The following MANBA variants were observed in gnomAD, a reference collection of about 807,000 sequenced individuals.
MANBA encodes mannosidase beta.
In MANBA, 83 loss-of-function variants were observed where a neutral mutation model predicts 111.1. The ratio of observed to expected loss-of-function variants is 0.75; its 90% CI spans 0.63 to 0.90. The LOEUF (loss-of-function observed/expected upper bound fraction) is 0.90. Ranked by LOEUF, MANBA falls within the 40% of genes least tolerant of loss-of-function variation. The pLI, the probability that MANBA is intolerant of heterozygous loss-of-function variation, is 0.00. For missense variants in MANBA, 1,036 were observed against 1,069.0 expected, an observed-to-expected ratio of 0.97 and a Z score of 0.43; for synonymous variants, 370 against 378.7, an observed-to-expected ratio of 0.98 and a Z score of 0.27.
intron 5 of MANBA, among the ~76,000 whole-genome samples, chr4:102,693,841 T>G (rs1560777963): frequency 6.7e-6 from 1 of 149,794 alleles, no homozygotes; most frequent in Non-Finnish European, 1.5e-5. Context: ...ATATCTCTAA[T>G]GACAAAAAAA....
intron 5 of MANBA, among the ~76,000 whole-genome samples, chr4:102,699,163 G>T (rs1002202169): frequency 6.6e-6 from 1 of 152,072 alleles, no homozygotes; most frequent in East Asian, 1.9e-4. Flanking sequence ...CTGTTTGTCT[G>T]TTATTGGTGT....
chr4:102,712,154 TG>T (rs1285204015), intron 5 of MANBA, among the ~76,000 whole-genome samples: 2 of 152,238 alleles, frequency 1.3e-5, no homozygotes, highest in African/African-American at 2.4e-5. Context: ...ATTCTATGCA[TG>T]TAACAAAATA....
chr4:102,666,818 C>G (rs1452510760), intron 10 of MANBA: 10 of 152,354 alleles, frequency 6.6e-5, no homozygotes, highest in African/African-American at 2.4e-4. Flanking sequence ...ATAAGGCAAT[C>G]ACCCTTGTAG....
At chr4:102,734,656 T>C in intron 1 of MANBA, 1 of 1,384,576 alleles carries the variant, frequency 7.2e-7, no homozygotes, top group Non-Finnish European at 1.0e-6. Flanking sequence ...GGAGAGGGCC[T>C]TGGGGACAGC....
At chr4:102,721,686 G>C (rs904282353) in intron 4 of MANBA, among the ~76,000 whole-genome samples, 5 of 152,162 alleles carry the variant, frequency 3.3e-5, no homozygotes, top group Non-Finnish European at 2.9e-5. Context: ...GACAAATACT[G>C]TATGATTCCA....
chr4:102,657,241 G>A (rs1730606066), intron 12 of MANBA, among the ~76,000 whole-genome samples: 1 of 130,418 alleles, frequency 7.7e-6, no homozygotes, highest in Non-Finnish European at 1.7e-5. Context: ...GGTGGGCGGT[G>A]GTAATGGAAT....
At chr4:102,757,459 C>T (rs1294435276) in intron 1 of MANBA, among the ~76,000 whole-genome samples, 2 of 152,160 alleles carry the variant, frequency 1.3e-5, no homozygotes, top group African/African-American at 4.8e-5. Context: ...CAAGACTAGC[C>T]ACAGAATCTC....
intron 1 of MANBA, chr4:102,728,586 C>A: frequency 2.3e-6 from 1 of 436,388 alleles, no homozygotes; most frequent in Non-Finnish European, 4.2e-6. Context: ...TGTTTTGTAG[C>A]TGAAGGCATA....
rs779221957 is a variant in MANBA, at chr4:102,760,716, A to C, written c.177+2T>G. The C allele has an allele frequency of 6.5e-7, 1 of 1,533,950 alleles. No homozygotes were observed. The highest frequency in any genetic ancestry group is 1.2e-5 in the South Asian group (1 of 83,584). On this transcript the variant is annotated splice_donor_variant, in intron 1 of 16. Coordinates refer to ENST00000647097, the MANE Select transcript of MANBA (RefSeq NM_005908.4). LOFTEE classifies it high-confidence loss of function. ...TCGCCGCGGGTCGGCCGCACGCCAT[A>C]CCTGGATCAGGCCCTGCTGGAACAA...
Position 102,631,104 on chromosome 4 carries a change from CTTTGTGTGTGTGTGTGTGTGTGTGTGTG to C in MANBA, c.*925_*952del, listed in dbSNP as rs1461462336. 1 of 138,876 alleles carries C rather than the reference CTTTGTGTGTGTGTGTGTGTGTGTGTGTG, an allele frequency of 7.2e-6. No homozygotes were observed. The highest frequency in any genetic ancestry group is 1.6e-5 in the Non-Finnish European group (1 of 63,510). The allele number at this position is 138,876 out of a possible 1,614,324, so 8.6% of individuals were successfully genotyped here. ...AAGTCCCCTTATCCCCTTGATAAGG[CTTTGTGTGTGTGTGTGTGTGTGTGTGTG>C]TGTGTGTGTGTGTGTGTGTGTACAT... On this transcript the variant is annotated 3_prime_UTR_variant, in exon 17 of 17. Coordinates refer to ENST00000647097, the MANE Select transcript of MANBA (RefSeq NM_005908.4).
intron 1 of MANBA, among the ~76,000 whole-genome samples, chr4:102,731,570 C>CATGTA (rs773939712): frequency 1.4e-4 from 21 of 152,202 alleles, no homozygotes; most frequent in Admixed American, 2.6e-4. Flanking sequence ...ATTCAGCTCA[C>CATGTA]TACATGTCTC....
At chr4:102,721,416 T>C (rs1670619365) in intron 4 of MANBA, among the ~76,000 whole-genome samples, 1 of 152,164 alleles carries the variant, frequency 6.6e-6, no homozygotes, top group African/African-American at 2.4e-5. Flanking sequence ...ATACTATTTC[T>C]GGGAATATAT....
chr4:102,738,968 G>T (rs1560807873), intron 1 of MANBA, among the ~76,000 whole-genome samples: 1 of 152,072 alleles, frequency 6.6e-6, no homozygotes, highest in Non-Finnish European at 1.5e-5. Context: ...ACACTGGAAA[G>T]TTTCAACAAT....
At chr4:102,724,517 C>A (rs1260045722) in intron 2 of MANBA, among the ~76,000 whole-genome samples, 1 of 148,172 alleles carries the variant, frequency 6.7e-6, no homozygotes, top group East Asian at 2.0e-4. Context: ...GGATATCCCA[C>A]CACTGCACTT....
chr4:102,688,386 T>TACACACACACACAC lies in MANBA; in HGVS notation c.960+1174_960+1187dup, dbSNP rs70937563. On this transcript the variant is annotated intron_variant, in intron 7 of 16. Coordinates refer to ENST00000647097, the MANE Select transcript of MANBA (RefSeq NM_005908.4). Reference sequence around the variant, plus strand: ...TCTTTCTCTCTCTCCCCTCCCCCCTTACACACACACACACACACACACACA... The same window carrying TACACACACACACAC: ...TCTTTCTCTCTCTCCCCTCCCCCCTTACACACACACACACACACACACACACACACACACACACA... Among the ~76,000 whole-genome samples the TACACACACACACAC allele has an allele frequency of 1.4e-3, 190 of 140,566 alleles. 2 individuals are homozygous for TACACACACACACAC. The highest frequency in any genetic ancestry group is 4.6e-3 in the East Asian group (21 of 4,582). 92.2% of individuals were successfully genotyped at this position (140,566 alleles called of 152,430 possible). A position where few individuals can be genotyped will look rare whatever the true frequency, so the allele number is the denominator to read the frequency against.
At chr4:102,758,396 C>T (rs1317336487) in intron 1 of MANBA, among the ~76,000 whole-genome samples, 5 of 152,118 alleles carry the variant, frequency 3.3e-5, no homozygotes, top group Non-Finnish European at 7.4e-5. Flanking sequence ...CTTACACAAA[C>T]ACAATATTTG....
chr4:102,674,966 C>T (rs1731663736), intron 7 of MANBA, among the ~76,000 whole-genome samples: 1 of 152,172 alleles, frequency 6.6e-6, no homozygotes, highest in African/African-American at 2.4e-5. Context: ...TGACTCCTGA[C>T]TTTATTTATA....
In MANBA at chr4:102,673,974, T is replaced by C. The variant is rs779705524; in HGVS notation, c.1057A>G (p.Lys353Glu). ...FKINGFPIFL[K>E]GSNWIPADSF... The stretch of plus-strand genomic sequence containing the variant: ...TCTGCTGGGATCCAGTTTGAGCCTT[T>C]TAGAAATATGGGAAATCCATTAATT... Residue 353 changes from lysine to glutamate, a missense_variant, in exon 8 of 17, where the codon AAA becomes GAA. Lys to Glu is a moderately conservative substitution (Grantham distance 56). Transcript: ENST00000647097. 3.7e-6 allele frequency: 6 copies of C among 1,610,754 alleles called. No homozygotes were observed. The South Asian group carries it at 5.5e-5, about 15-fold the overall frequency.
chr4:102,714,360 C>G, intron 5 of MANBA, 78 bp downstream of exon 5: 1 of 1,333,008 alleles, frequency 7.5e-7, no homozygotes, highest in Non-Finnish European at 1.1e-6. Context: ...AAAAACATAC[C>G]TCTGTATTTC....
Sources: gnomAD v4.1 joint callset for allele counts (sites outside exome capture counted in the v4.1 genomes callset) on GRCh38, gnomAD v4.1.1 for gene constraint, MANE v1.5 for transcripts, NCBI Gene and HGNC (gene_info 2026-07-23, HGNC 2026-07-21) for gene names.